Variants in CASQ2 observed in about 807,000 individuals in gnomAD.
CASQ2 encodes the protein calsequestrin 2, also known as calsequestrin-2.
In CASQ2, 49 loss-of-function variants were observed where a neutral mutation model predicts 46.5. The observed-to-expected ratio is 1.05, with a 90% CI of 0.84 to 1.34. The LOEUF (loss-of-function observed/expected upper bound fraction) is 1.34. CASQ2 is among the 40% of genes most tolerant of loss of function. CASQ2 has a pLI of 0.00. For missense variants in CASQ2, 486 were observed against 481.3 expected (o/e 1.01, Z -0.09); for synonymous variants, 174 against 168.5 (o/e 1.03, Z -0.25).
intron 1 of CASQ2, among the ~76,000 whole-genome samples, chr1:115,752,072 C>A (rs1289158328): frequency 6.6e-6 from 1 of 152,208 alleles, no homozygotes; most frequent in East Asian, 1.9e-4. Flanking sequence ...ACAAAGCCAC[C>A]AACACATGCT....
intron 8 of CASQ2, among the ~76,000 whole-genome samples, chr1:115,716,534 T>A (rs902607625): frequency 6.6e-6 from 1 of 152,090 alleles, no homozygotes; most frequent in Non-Finnish European, 1.5e-5. Flanking sequence ...TGAACAGAAG[T>A]TCACACGTGC....
chr1:115,733,182 A>G (rs139251784), intron 4 of CASQ2, among the ~76,000 whole-genome samples: 301 of 152,354 alleles, frequency 2.0e-3, no homozygotes, highest in Non-Finnish European at 3.8e-3. Context: ...CAAACGCCCA[A>G]GAGAAGACCC....
chr1:115,723,274 C>CTATCATCTATCT (rs57499430), intron 7 of CASQ2, among the ~76,000 whole-genome samples: 33,674 of 150,868 alleles, frequency 0.22, 3,871 homozygotes, highest in Middle Eastern at 0.27. Flanking sequence ...ATCTATCTAT[C>CTATCATCTATCT]ATCTATCTAT....
intron 10 of CASQ2, among the ~76,000 whole-genome samples, chr1:115,702,004 C>T (rs1330705705): frequency 6.6e-6 from 1 of 151,528 alleles, no homozygotes; most frequent in Non-Finnish European, 1.5e-5. Flanking sequence ...CTCACTGCAA[C>T]CTCCGCCTCC....
At chr1:115,740,386 G>C (rs1312778025) in intron 3 of CASQ2, among the ~76,000 whole-genome samples, 1 of 152,080 alleles carries the variant, frequency 6.6e-6, no homozygotes, top group Non-Finnish European at 1.5e-5. Flanking sequence ...TCTCTCTTCA[G>C]GTGGCTGGTT....
At chr1:115,719,062 T>C (rs1158154016) in intron 7 of CASQ2, among the ~76,000 whole-genome samples, 1 of 152,328 alleles carries the variant, frequency 6.6e-6, no homozygotes, top group East Asian at 1.9e-4. Flanking sequence ...TCCATTTCAA[T>C]TGATTTTAAT....
chr1:115,730,214 A>G (rs1397386055), intron 5 of CASQ2, among the ~76,000 whole-genome samples: 2 of 152,220 alleles, frequency 1.3e-5, no homozygotes, highest in African/African-American at 4.8e-5. Context: ...CCCAGAGACC[A>G]ATGGTTTTAA....
chr1:115,738,361 C>T (rs1385173682), intron 3 of CASQ2, 26 bp from the exon 4 acceptor site: 4 of 1,324,846 alleles, frequency 3.0e-6, no homozygotes, highest in Non-Finnish European at 4.4e-6. Flanking sequence ...CACATACACA[C>T]ATGTTCAAAC....
intron 5 of CASQ2, among the ~76,000 whole-genome samples, chr1:115,730,533 A>C (rs1647749236): frequency 1.3e-5 from 2 of 152,222 alleles, no homozygotes; most frequent in South Asian, 4.1e-4. Flanking sequence ...TAATTAATTA[A>C]GGACATTTCC....
At chr1:115,736,720 A>T (rs192074462) in intron 4 of CASQ2, among the ~76,000 whole-genome samples, 1 of 152,146 alleles carries the variant, frequency 6.6e-6, no homozygotes, top group Non-Finnish European at 1.5e-5. Flanking sequence ...ACAATGCAAT[A>T]TGTAATATAT....
At chr1:115,755,041 A>C (rs1413845446) in intron 1 of CASQ2, among the ~76,000 whole-genome samples, 1 of 152,244 alleles carries the variant, frequency 6.6e-6, no homozygotes, top group Non-Finnish European at 1.5e-5. Context: ...TGAGGCTGCC[A>C]GTCTCGGGCC....
chr1:115,711,937 G>T (rs1292587611), intron 8 of CASQ2, among the ~76,000 whole-genome samples: 2 of 152,044 alleles, frequency 1.3e-5, no homozygotes, highest in East Asian at 3.9e-4. Flanking sequence ...CAGGCGTAAG[G>T]GTTTTGTTTG....
At chr1:115,758,939 G>A (rs1228784437) in intron 1 of CASQ2, among the ~76,000 whole-genome samples, 3 of 152,210 alleles carry the variant, frequency 2.0e-5, no homozygotes, top group Non-Finnish European at 2.9e-5. Flanking sequence ...TGTACTGCAA[G>A]AAGGGGTGTC....
intron 8 of CASQ2, among the ~76,000 whole-genome samples, chr1:115,715,785 G>A (rs1465970995): frequency 1.3e-5 from 2 of 152,192 alleles, no homozygotes; most frequent in African/African-American, 2.4e-5. Context: ...CCAAAAAAGG[G>A]AAGGAAAAGC....
At chr1:115,747,571 G>A (rs190813719) in intron 1 of CASQ2, among the ~76,000 whole-genome samples, 2 of 152,094 alleles carry the variant, frequency 1.3e-5, no homozygotes, top group Non-Finnish European at 2.9e-5. Context: ...CTTGGGGAGA[G>A]TGACATATTT....
intron 8 of CASQ2, among the ~76,000 whole-genome samples, chr1:115,715,794 G>T (rs913985974): frequency 3.3e-5 from 5 of 152,270 alleles, no homozygotes; most frequent in Non-Finnish European, 5.9e-5. Context: ...GGAAGGAAAA[G>T]CTGGTCTGCC....
intron 8 of CASQ2, among the ~76,000 whole-genome samples, chr1:115,708,856 A>G (rs1654444602): frequency 1.3e-5 from 2 of 152,192 alleles, no homozygotes; most frequent in Non-Finnish European, 2.9e-5. Context: ...AGAAAACTAT[A>G]TCACAAAAGT....
intron 8 of CASQ2, among the ~76,000 whole-genome samples, chr1:115,713,719 G>A (rs567586441): frequency 2.0e-5 from 3 of 152,246 alleles, no homozygotes; most frequent in East Asian, 1.9e-4. Flanking sequence ...TCTCACCTCC[G>A]CCTGCTCTGC....
chr1:115,715,715 T>C (rs1016602401), intron 8 of CASQ2, among the ~76,000 whole-genome samples: 13 of 152,200 alleles, frequency 8.5e-5, no homozygotes, highest in African/African-American at 3.1e-4. Flanking sequence ...TTTTATAAAT[T>C]ATATGATAAA....
Sources: allele counts gnomAD v4.1 joint callset (sites outside exome capture counted in the v4.1 genomes callset), GRCh38; gene constraint gnomAD v4.1.1; transcripts MANE v1.5; gene names NCBI Gene and HGNC (gene_info 2026-07-23, HGNC 2026-07-21).